GPRIN2: variants seen among roughly 807,000 people sequenced by gnomAD.
GPRIN2 encodes the protein G protein regulated inducer of neurite outgrowth 2.
In GPRIN2, 1 loss-of-function variant was observed where a neutral mutation model predicts 0.3. The observed-to-expected ratio is 3.90, with a 90% CI of 1.39 to 18.51. The LOEUF (loss-of-function observed/expected upper bound fraction) is 18.51. GPRIN2 is among the 30% of genes most tolerant of loss of function. The pLI, the probability that GPRIN2 is intolerant of heterozygous loss-of-function variation, is 0.11. For synonymous variants in GPRIN2, 361 were observed against 258.6 expected, an observed-to-expected ratio of 1.40 and a Z score of -3.80; for missense variants, 880 against 604.2, an observed-to-expected ratio of 1.46 and a Z score of -4.79.
intron 2 of GPRIN2, among the ~76,000 whole-genome samples, chr10:46,552,753 C>A (rs1327099224): frequency 6.6e-6 from 1 of 152,310 alleles, no homozygotes; most frequent in African/African-American, 2.4e-5. Context: ...ATCTAACTGG[C>A]CACATGAGGC....
intron 2 of GPRIN2, among the ~76,000 whole-genome samples, chr10:46,553,883 G>T (rs1344145666): frequency 2.0e-5 from 3 of 152,304 alleles, no homozygotes; most frequent in African/African-American, 4.8e-5. Context: ...GGGGAGTACT[G>T]GGGGAAAGAG....
chr10:46,551,556 A>C (rs1842611955), intron 2 of GPRIN2: 1 of 967,124 alleles, frequency 1.0e-6, no homozygotes, highest in Non-Finnish European at 1.2e-6. Flanking sequence ...CATGGGATTC[A>C]TTCAGACCTT....
Position 46,550,425 on chromosome 10 carries a change from A to G in GPRIN2, c.312T>C (p.Ser104=). The change falls in exon 3 of 3, where the codon AGT becomes AGC. Residue 104 remains serine (S), a synonymous_variant. Transcript: ENST00000374314. ...TAGGGGCCCGCAGGCGACACAGGTC[A>G]CTGCCGCCCATGGTGGACACATTGC... ...TVGNVSTMGG[S]DLCRLRAPSA... 1 of 1,611,806 alleles carries G rather than the reference A, an allele frequency of 6.2e-7. No individual in the cohort carries two copies. The highest frequency in any genetic ancestry group is 1.1e-5 in the South Asian group (1 of 90,984).
In GPRIN2 at chr10:46,548,821, C is replaced by G. The variant is rs1413513213; in HGVS notation, c.*539G>C. Among the ~76,000 whole-genome samples, 2 of 152,312 alleles carry G rather than the reference C, an allele frequency of 1.3e-5. No individual in the cohort carries two copies. Among genetic ancestry groups the G allele is most frequent in the Non-Finnish European group, 2.9e-5 (2 of 68,058 alleles). On this transcript the variant is annotated 3_prime_UTR_variant, in exon 3 of 3. Transcript: ENST00000374314. ...CAGCGTGGGGCACATCGGCTACAGC[C>G]TTGCCAAATGAAGGCTTGCCAGGAT...
rs1313005675 is a variant in GPRIN2 at position 46,543,856 on chromosome 10, C to A, written c.*5504G>T. Among the ~76,000 whole-genome samples the A allele has an allele frequency of 6.6e-6, 1 of 152,308 alleles. No homozygotes were observed. The highest frequency in any genetic ancestry group is 1.5e-5 in the Non-Finnish European group (1 of 68,058). On this transcript the variant is annotated 3_prime_UTR_variant, in exon 3 of 3. Coordinates refer to ENST00000374314, the MANE Select transcript of GPRIN2 (RefSeq NM_001385282.1). The stretch of plus-strand genomic sequence containing the variant: ...GCCAGGCAGGAGTCCTGGAGAGTGA[C>A]CGCACAAGTGAGCAAAGGCGGCATT...
In GPRIN2 at chr10:46,543,561, C is replaced by A. The variant is rs1421114253; in HGVS notation, c.*5799G>T. Among the ~76,000 whole-genome samples, 1 of 152,304 alleles carries A rather than the reference C, an allele frequency of 6.6e-6. No individual in the cohort carries two copies. Among genetic ancestry groups the A allele is most frequent in the African/African-American group, 2.4e-5 (1 of 41,486 alleles). ...AGGATGCAGAGAAAGCACACTCTGT[C>A]TTTTCTCAGGAAAGCTGCAGGGAAA... On this transcript the variant is annotated 3_prime_UTR_variant, in exon 3 of 3. Transcript: ENST00000374314.
chr10:46,549,216 C>T lies in GPRIN2; in HGVS notation c.*144G>A. ...AGGGCCGGAAGCCCCAGGCTGCAGT[C>T]CTGTGGTCTGGAGGCAGCCAATATT... On this transcript the variant is annotated 3_prime_UTR_variant, in exon 3 of 3. Transcript: ENST00000374314. The T allele has an allele frequency of 8.8e-7, 1 of 1,142,694 alleles. No homozygotes were observed. Among genetic ancestry groups the T allele is most frequent in the South Asian group, 2.1e-5 (1 of 48,664 alleles). The allele number at this position is 1,142,694 out of a possible 1,614,324, so 70.8% of individuals were successfully genotyped here.
Position 46,545,436 on chromosome 10 carries a change from C to T in GPRIN2, c.*3924G>A, listed in dbSNP as rs1842072360. 6.6e-6 allele frequency among the ~76,000 whole-genome samples: 1 copy of T among 152,312 alleles called. No homozygotes were observed. Among genetic ancestry groups the T allele is most frequent in the Admixed American group, 6.5e-5 (1 of 15,294 alleles). The stretch of plus-strand genomic sequence containing the variant: ...AATCACACCCTGCCTTGCCTTCTGC[C>T]CCTCCCTTAACTTGCTCTCCCCTCC... On this transcript the variant is annotated 3_prime_UTR_variant, in exon 3 of 3. Transcript: ENST00000374314.
intron 2 of GPRIN2, among the ~76,000 whole-genome samples, chr10:46,553,932 AGAG>A (rs1402034672): frequency 5.9e-5 from 9 of 152,304 alleles, no homozygotes; most frequent in Non-Finnish European, 8.8e-5. Flanking sequence ...GGACTGGGCC[AGAG>A]GAGGGGCCTC....
At chr10:46,553,758 A>G (rs1842867497) in intron 2 of GPRIN2, among the ~76,000 whole-genome samples, 1 of 152,310 alleles carries the variant, frequency 6.6e-6, no homozygotes, top group Non-Finnish European at 1.5e-5. Flanking sequence ...GGCCTGGAGC[A>G]GCTCAGAAAT....
chr10:46,548,721 G>A lies in GPRIN2; in HGVS notation c.*639C>T, dbSNP rs1842392365. Among the ~76,000 whole-genome samples the A allele has an allele frequency of 6.6e-6, 1 of 152,310 alleles. No individual in the cohort carries two copies. Among genetic ancestry groups the A allele is most frequent in the Non-Finnish European group, 1.5e-5 (1 of 68,058 alleles). ...TACATGACTGCACTGACTGGACCGG[G>A]CACATGCTACAGGGCAACACCCACG... On this transcript the variant is annotated 3_prime_UTR_variant, in exon 3 of 3. Transcript: ENST00000374314.
At position 46,550,404 on chromosome 10, in the gene GPRIN2, G is replaced by A. The variant is rs1295630682; in HGVS notation, c.333C>T (p.Ala111=). ...TCCTCTGCATAGCAGCAGCACTAGG[G>A]GCCCGCAGGCGACACAGGTCACTGC... ...MGGSDLCRLR[A]PSAAAMQRSH... Residue 111 remains alanine (A), a synonymous_variant, in exon 3 of 3, where the codon GCC becomes GCT. Transcript: ENST00000374314. 3.1e-6 allele frequency: 5 copies of A among 1,611,766 alleles called. No homozygotes were observed. The Admixed American group carries it at 8.3e-5, about 27-fold the overall frequency.
rs1832781878 is a variant in GPRIN2 at position 46,548,844 on chromosome 10, G to A, written c.*516C>T. Among the ~76,000 whole-genome samples the A allele has an allele frequency of 6.6e-6, 1 of 152,312 alleles. No homozygotes were observed. Among genetic ancestry groups the A allele is most frequent in the African/African-American group, 2.4e-5 (1 of 41,488 alleles). ...GCCTTGCCAAATGAAGGCTTGCCAG[G>A]ATGAAGAGGTGAAGACAGGACAAGC... On this transcript the variant is annotated 3_prime_UTR_variant, in exon 3 of 3. Coordinates refer to ENST00000374314, the MANE Select transcript of GPRIN2 (RefSeq NM_001385282.1).
chr10:46,549,375 G>A lies in GPRIN2; in HGVS notation c.1362C>T (p.Gly454=), dbSNP rs1832740084. 21 of 1,481,874 alleles carry A rather than the reference G, an allele frequency of 1.4e-5. No individual in the cohort carries two copies. Among genetic ancestry groups the A allele is most frequent in the South Asian group, 9.8e-5 (7 of 71,100 alleles). The allele number at this position is 1,481,874 out of a possible 1,614,324, so 91.8% of individuals were successfully genotyped here. The stretch of plus-strand genomic sequence containing the variant: ...CCACAGCTCCTCACTCGGGGGCCGC[G>A]CCGGAGCAGCCGCAGCAGCTGGGGC... ...LRRPSCCGCS[G]AAPE The change falls in exon 3 of 3, where the codon GGC becomes GGT. Residue 454 remains glycine (G), a synonymous_variant. Transcript: ENST00000374314.
chr10:46,552,188 C>T (rs1395906132), intron 2 of GPRIN2, among the ~76,000 whole-genome samples: 1 of 152,312 alleles, frequency 6.6e-6, no homozygotes, highest in Non-Finnish European at 1.5e-5. Flanking sequence ...AGAAGGTGTT[C>T]AGGTGGAGAG....
At chr10:46,554,253 T>G (rs1434791853) in intron 2 of GPRIN2, among the ~76,000 whole-genome samples, 1 of 152,310 alleles carries the variant, frequency 6.6e-6, no homozygotes, top group Admixed American at 6.5e-5. Context: ...TCAGAAGCCA[T>G]CAAGACACCC....
intron 1 of GPRIN2, among the ~76,000 whole-genome samples, 187 bp downstream of exon 1, chr10:46,556,311 A>G (rs1434557993): frequency 2.0e-5 from 3 of 152,306 alleles, no homozygotes; most frequent in Non-Finnish European, 4.4e-5. Flanking sequence ...ACAGGACAGG[A>G]CAATGAGAGG....
Position 46,550,012 on chromosome 10 carries a change from C to T in GPRIN2, c.725G>A (p.Arg242Lys), listed in dbSNP as rs1832515702. 6.2e-7 allele frequency: 1 copy of T among 1,614,036 alleles called. No homozygotes were observed. Among genetic ancestry groups the T allele is most frequent in the Non-Finnish European group, 8.5e-7 (1 of 1,179,926 alleles). ...AALLCGMREV[R>K]AGGCCHALPA... is the part of the protein sequence containing the mutation. ...TAGGGCATGGCAGCAGCCACCAGCC[C>T]TCACCTCCCTCATGCCACAGAGTAG... Residue 242 changes from arginine to lysine, a missense_variant, in exon 3 of 3, where the codon AGG (arginine) becomes AAG (lysine). By Grantham distance (26) the Arg-to-Lys change is conservative. Transcript: ENST00000374314.
Position 46,549,538 on chromosome 10 carries a change from A to T in GPRIN2, c.1199T>A (p.Leu400Gln). Reference protein sequence around the residue: ...TWEVYGAAVDLEVLGVAIQKH... With the variant: ...TWEVYGAAVDQEVLGVAIQKH... ...CTGGATGGCCACACCGAGCACCTCC[A>T]GGTCCACCGCAGCTCCGTACACCTC... Residue 400 changes from leucine (L) to glutamine (Q), a missense_variant, in exon 3 of 3, where the codon CTG becomes CAG. Transcript: ENST00000374314. The T allele has an allele frequency of 6.2e-7, 1 of 1,613,300 alleles. No homozygotes were observed. The highest frequency in any genetic ancestry group is 8.5e-7 in the Non-Finnish European group (1 of 1,179,474).
Sources: allele counts gnomAD v4.1 joint callset (sites outside exome capture counted in the v4.1 genomes callset), GRCh38; gene constraint gnomAD v4.1.1; transcripts MANE v1.5; gene names NCBI Gene and HGNC (gene_info 2026-07-23, HGNC 2026-07-21).